The following FYCO1 variants were observed in gnomAD, a reference collection of about 807,000 sequenced individuals.
The protein encoded by FYCO1 is FYVE and coiled-coil domain autophagy adaptor 1.
In FYCO1, 122 loss-of-function variants were observed where a neutral mutation model predicts 165.1. That is an observed-to-expected ratio of 0.74 (90% CI 0.64 to 0.86). The LOEUF (loss-of-function observed/expected upper bound fraction) is 0.86. FYCO1 is among the 40% of genes least tolerant of loss of function. FYCO1 has a pLI of 0.00. For missense variants in FYCO1, 1,702 were observed against 1,810.3 expected, an observed-to-expected ratio of 0.94 and a Z score of 1.09; for synonymous variants, 648 against 742.5, an observed-to-expected ratio of 0.87 and a Z score of 2.07.
intron 14 of FYCO1, chr3:45,938,077 G>C: frequency 2.2e-6 from 1 of 463,906 alleles, no homozygotes; most frequent in Non-Finnish European, 4.1e-6. Flanking sequence ...ACTGAAAGCT[G>C]TACTTGGTTC....
At chr3:45,941,151 T>A (rs942860162) in intron 14 of FYCO1, 2 of 152,230 alleles carry the variant, frequency 1.3e-5, no homozygotes, top group Non-Finnish European at 2.9e-5. Context: ...TCTTGAGTAC[T>A]GGGACTATAA....
At chr3:45,953,096 GTTA>G (rs1290077426) in intron 14 of FYCO1, among the ~76,000 whole-genome samples, 1 of 152,230 alleles carries the variant, frequency 6.6e-6, no homozygotes. Context: ...GATAAGTTCA[GTTA>G]TTCTCTAGTC....
chr3:45,962,085 A>G lies in FYCO1; in HGVS notation c.3437+140T>C. The G allele has an allele frequency of 2.2e-6, 2 of 914,630 alleles. No individual in the cohort carries two copies. Among genetic ancestry groups the G allele is most frequent in the Non-Finnish European group, 3.6e-6 (2 of 560,112 alleles). The allele number at this position is 914,630 out of a possible 1,614,324, so 56.7% of individuals were successfully genotyped here. ...TCTAGTACTGGGGAAAGTGAGATGGAGAAGGAGAGAGGGGCTCCTGAGACA... is the reference window on the plus strand; with the variant it reads ...TCTAGTACTGGGGAAAGTGAGATGGGGAAGGAGAGAGGGGCTCCTGAGACA... On this transcript the variant is annotated intron_variant, in intron 11 of 17. Transcript: ENST00000296137. This position sits in a 1 kb window ranked among gnomAD's most constrained non-coding sequence, Gnocchi z 4.4.
At chr3:45,979,657 A>T (rs1706945955) in intron 4 of FYCO1, 48 bp downstream of exon 4, 1 of 1,610,392 alleles carries the variant, frequency 6.2e-7, no homozygotes, top group South Asian at 1.1e-5. Flanking sequence ...AGCTGCTTTA[A>T]GCAGGCAAAA....
intron 8 of FYCO1, 69 bp downstream of exon 8, chr3:45,966,208 T>A: frequency 1.3e-6 from 2 of 1,527,634 alleles, no homozygotes; most frequent in Non-Finnish European, 1.8e-6. Flanking sequence ...TAAAGGTGCA[T>A]CTTCCCATGG....
rs527291151 is a variant in FYCO1 at position 45,964,828 on chromosome 3, T to G, written c.3150+205A>C. 6.6e-6 allele frequency among the ~76,000 whole-genome samples: 1 copy of G among 152,360 alleles called. No homozygotes were observed. The highest frequency in any genetic ancestry group is 1.5e-5 in the Non-Finnish European group (1 of 68,030). On this transcript the variant is annotated intron_variant, in intron 9 of 17. Transcript: ENST00000296137. The surrounding 1 kb of genome is among the most constrained non-coding windows in gnomAD (Gnocchi z 4.1). ...TAGAGATGGCCAAAGAGGACACTTATTTCCTTTCTGCATTTGGCAGCTCCG... is the reference window on the plus strand; with the variant it reads ...TAGAGATGGCCAAAGAGGACACTTAGTTCCTTTCTGCATTTGGCAGCTCCG...
Position 45,964,950 on chromosome 3 carries a change from C to A in FYCO1, c.3150+83G>T, listed in dbSNP as rs1276368797. On this transcript the variant is annotated intron_variant, in intron 9 of 17. Coordinates refer to ENST00000296137, the MANE Select transcript of FYCO1 (RefSeq NM_024513.4). The surrounding 1 kb of genome is among the most constrained non-coding windows in gnomAD (Gnocchi z 4.1). ...CGGCTTCAGCTTGGGAATCTGGAGG[C>A]ATGCAGGGAGCCCTCTTAAATGGTC... 6.5e-6 allele frequency: 7 copies of A among 1,072,392 alleles called. No individual in the cohort carries two copies. The South Asian group carries it at 7.8e-5, about 12-fold the overall frequency. The allele number at this position is 1,072,392 out of a possible 1,614,324, so 66.4% of individuals were successfully genotyped here.
chr3:45,959,296 G>T (rs1009688779), intron 12 of FYCO1, 97 bp downstream of exon 12: 1 of 1,337,798 alleles, frequency 7.5e-7, no homozygotes, highest in South Asian at 1.2e-5. Flanking sequence ...GTCAGCCATG[G>T]TGCCAACACC....
rs537608915 is a variant in FYCO1 at position 45,970,091 on chromosome 3, G to A, written c.540-326C>T. On this transcript the variant is annotated intron_variant, in intron 6 of 17. Transcript: ENST00000296137. ...TTTGTCTGCCAGTGAGGAACAAGCA[G>A]CAGTCAGTTTGGTAAATAAGAGTCA... 2.0e-5 allele frequency among the ~76,000 whole-genome samples: 3 copies of A among 152,328 alleles called. No homozygotes were observed. In the South Asian group the frequency reaches 6.2e-4, roughly 32 times the overall value.
chr3:45,955,509 C>T (rs113709998), intron 13 of FYCO1, 116 bp from the exon 14 acceptor site: 6 of 1,202,904 alleles, frequency 5.0e-6, no homozygotes, highest in African/African-American at 3.0e-5. Flanking sequence ...GCTGCTGAGG[C>T]ACAATTTAAG....
rs1176324279 is a variant in FYCO1 at position 45,995,790 on chromosome 3, G to C, written c.-181C>G. The C allele has an allele frequency of 6.5e-6, 1 of 152,688 alleles. No homozygotes were observed. The highest frequency in any genetic ancestry group is 1.5e-5 in the Non-Finnish European group (1 of 68,096). 9.5% of individuals were successfully genotyped at this position (152,688 alleles called of 1,614,324 possible). On this transcript the variant is annotated 5_prime_UTR_variant, in exon 1 of 18. Transcript: ENST00000296137. ...GCCAAGCGGAAGAGGACGGGAACGC[G>C]GTGCTGACGGCCATGACGCGCACAC...
chr3:45,981,593 A>T lies in FYCO1; in HGVS notation c.139T>A (p.Tyr47Asn), dbSNP rs1410045508. Residue 47 changes from tyrosine to asparagine, a missense_variant, in exon 3 of 18, where the codon TAT becomes AAT. Transcript: ENST00000296137. The stretch of plus-strand genomic sequence containing the variant: ...ACTTGCAGGAGATACTCAAGTTTAT[A>T]AGAAAATTTATGCAAGCTGGTGCTG... ...DDSTSLHKFSYKLEYLLQFDQ... is the reference protein window; with the variant it reads ...DDSTSLHKFSNKLEYLLQFDQ... 1 of 1,612,402 alleles carries T rather than the reference A, an allele frequency of 6.2e-7. No individual in the cohort carries two copies.
Position 45,966,940 on chromosome 3 carries a change from C to G in FYCO1, c.2394G>C (p.Lys798Asn). 1 of 1,613,750 alleles carries G rather than the reference C, an allele frequency of 6.2e-7. No individual in the cohort carries two copies. The highest frequency in any genetic ancestry group is 1.1e-5 in the South Asian group (1 of 91,086). Residue 798 changes from lysine (K) to asparagine (N), a missense_variant, in exon 8 of 18, where the codon AAG becomes AAC. Lys to Asn is a moderately conservative substitution (Grantham distance 94). Transcript: ENST00000296137. ...CCTGGTCATCCAGGGCTGCCCGCATCTTGGCCTGGAGGTCCACCACCTGAG... is the reference window on the plus strand; with the variant it reads ...CCTGGTCATCCAGGGCTGCCCGCATGTTGGCCTGGAGGTCCACCACCTGAG... ...LQAQVVDLQA[K>N]MRAALDDQDK...
chr3:45,964,507 G>C lies in FYCO1; in HGVS notation c.3151-53C>G. 1 of 1,609,388 alleles carries C rather than the reference G, an allele frequency of 6.2e-7. No homozygotes were observed. Among genetic ancestry groups the C allele is most frequent in the Non-Finnish European group, 8.5e-7 (1 of 1,178,122 alleles). On this transcript the variant is annotated intron_variant, in intron 9 of 17. Coordinates refer to ENST00000296137, the MANE Select transcript of FYCO1 (RefSeq NM_024513.4). The surrounding 1 kb of genome is among the most constrained non-coding windows in gnomAD (Gnocchi z 4.1). ...CTCAGCTTGCAGAAGGCCATGCAAC[G>C]TACCATAAAGTGGCTGGTGTGCCAT...
intron 2 of FYCO1, among the ~76,000 whole-genome samples, chr3:45,982,751 T>C (rs550887562): frequency 6.6e-6 from 1 of 152,326 alleles, no homozygotes; most frequent in South Asian, 2.1e-4. Context: ...AAGCCTAAGA[T>C]GGCTGAAAAT....
intron 11 of FYCO1, among the ~76,000 whole-genome samples, chr3:45,960,331 A>G (rs1459625756): frequency 1.3e-5 from 2 of 152,356 alleles, no homozygotes; most frequent in Admixed American, 6.5e-5. Context: ...CGAGCCACTC[A>G]GGTCCTGAGA....
At chr3:45,946,598 G>T in intron 14 of FYCO1, 1 of 1,614,178 alleles carries the variant, frequency 6.2e-7, no homozygotes, top group South Asian at 1.1e-5. Flanking sequence ...GCATGTACCT[G>T]GTGGTGTTTG....
At chr3:45,930,712 C>A (rs1299891883) in intron 16 of FYCO1, among the ~76,000 whole-genome samples, 2 of 152,234 alleles carry the variant, frequency 1.3e-5, no homozygotes, top group African/African-American at 2.4e-5. Context: ...AGGTCACCAC[C>A]TCCCAAGGTG....
chr3:45,930,356 C>A (rs1363304192), intron 16 of FYCO1, among the ~76,000 whole-genome samples: 1 of 152,216 alleles, frequency 6.6e-6, no homozygotes, highest in Non-Finnish European at 1.5e-5. Flanking sequence ...GAATCAGCCA[C>A]CCATGGAGCC....
Sources: allele counts gnomAD v4.1 joint callset (sites outside exome capture counted in the v4.1 genomes callset), GRCh38; gene constraint gnomAD v4.1.1; non-coding constraint Gnocchi (gnomAD v3.1); transcripts MANE v1.5; gene names NCBI Gene and HGNC (gene_info 2026-07-23, HGNC 2026-07-21).